Variants in SLC45A4 observed in about 807,000 individuals in gnomAD.
SLC45A4 encodes the protein polyamine-transporter SLC45A4.
In SLC45A4, 32 loss-of-function variants were observed where a neutral mutation model predicts 63.7. The observed-to-expected ratio is 0.50, with a 90% CI of 0.38 to 0.67. The LOEUF (loss-of-function observed/expected upper bound fraction) is 0.67, where lower values mean the gene tolerates loss of function less well. Among genes scored for constraint, SLC45A4 ranks in the 30% least tolerant of loss-of-function variants. SLC45A4 has a pLI of 0.00. For synonymous variants in SLC45A4, 535 were observed against 510.0 expected (o/e 1.05, Z -0.66); for missense variants, 1,027 against 1,157.7 (o/e 0.89, Z 1.64).
At chr8:141,259,143 A>C (rs1305566029) in intron 1 of SLC45A4, among the ~76,000 whole-genome samples, 1 of 152,196 alleles carries the variant, frequency 6.6e-6, no homozygotes, top group African/African-American at 2.4e-5. Flanking sequence ...TTGGCCTTCC[A>C]AAGAGAAGAT....
intron 1 of SLC45A4, among the ~76,000 whole-genome samples, chr8:141,262,140 G>A (rs1489395276): frequency 6.6e-6 from 1 of 151,384 alleles, no homozygotes; most frequent in Non-Finnish European, 1.5e-5. Flanking sequence ...TTAATAAATG[G>A]TGCTGGGAAA....
intron 2 of SLC45A4, chr8:141,228,540 C>T (rs558773695): frequency 5.5e-5 from 71 of 1,279,696 alleles, no homozygotes; most frequent in Middle Eastern, 3.1e-4. Context: ...AGGCACTCCC[C>T]GCAGCTGGAG....
Position 141,217,101 on chromosome 8 carries a change from G to T in SLC45A4, c.1718C>A (p.Ala573Asp), listed in dbSNP as rs1477736657. 6.2e-7 allele frequency: 1 copy of T among 1,613,970 alleles called. No individual in the cohort carries two copies. The highest frequency in any genetic ancestry group is 1.7e-5 in the Admixed American group (1 of 60,030). The change falls in exon 6 of 9, where the codon GCT becomes GAT. Residue 573 changes from alanine to aspartate, a missense_variant. By Grantham distance (126) the Ala-to-Asp change is moderately radical. Coordinates refer to ENST00000517878, the MANE Select transcript of SLC45A4 (RefSeq NM_001286646.2). ...WGLVIYAATG[A>D]ICSALLQKYL... ...TGGGGAGCTCTTACCTGAACAAATA[G>T]CACCAGTGGCGGCATAAATGACCAG...
Position 141,227,895 on chromosome 8 carries a change from G to A in SLC45A4, c.242-6130C>T, listed in dbSNP as rs1827111293. 6.6e-6 allele frequency among the ~76,000 whole-genome samples: 1 copy of A among 152,140 alleles called. No individual in the cohort carries two copies. Among genetic ancestry groups the A allele is most frequent in the Non-Finnish European group, 1.5e-5 (1 of 68,014 alleles). Reference sequence around the variant, plus strand: ...CACTCCAACACCCACGGCCCACCCAGCCCCTCCCGGAGTGCCAGCCATGGC... The same window carrying A: ...CACTCCAACACCCACGGCCCACCCAACCCCTCCCGGAGTGCCAGCCATGGC... On this transcript the variant is annotated intron_variant, in intron 2 of 8. Transcript: ENST00000517878. The surrounding 1 kb of genome is among the most constrained non-coding windows in gnomAD (Gnocchi z 4.4).
At chr8:141,231,297 G>A (rs554538637) in intron 2 of SLC45A4, among the ~76,000 whole-genome samples, 124 of 152,310 alleles carry the variant, frequency 8.1e-4, no homozygotes, top group African/African-American at 3.0e-3. Context: ...AGGCAGCAGG[G>A]ACCCCTCAAA....
chr8:141,246,763 G>C (rs925097402), intron 2 of SLC45A4, among the ~76,000 whole-genome samples: 1 of 151,470 alleles, frequency 6.6e-6, no homozygotes, highest in Non-Finnish European at 1.5e-5. Context: ...TCTAATAAAT[G>C]ATTTTATTAG....
rs1303776451 is a variant in SLC45A4, at chr8:141,215,983, G to A, written c.1730-13C>T. 1 of 1,610,382 alleles carries A rather than the reference G, an allele frequency of 6.2e-7. No individual in the cohort carries two copies. The highest frequency in any genetic ancestry group is 1.7e-5 in the Admixed American group (1 of 59,696). ...TTCTGTAACAGGGCTGCAGAGAGGG[G>A]CACAGGGACAAGGACAGTGGGCAGG... is the stretch of plus-strand genomic sequence containing the variant. On this transcript the variant is annotated splice_polypyrimidine_tract_variant and intron_variant, in intron 6 of 8. Transcript: ENST00000517878. This position sits in a 1 kb window ranked among gnomAD's most constrained non-coding sequence, Gnocchi z 4.3.
At chr8:141,230,599 G>A (rs1827291559) in intron 2 of SLC45A4, among the ~76,000 whole-genome samples, 1 of 152,270 alleles carries the variant, frequency 6.6e-6, no homozygotes, top group African/African-American at 2.4e-5. Flanking sequence ...GCCAGGAGCA[G>A]CGCCCAGGCC....
chr8:141,231,790 C>A (rs764725416), intron 2 of SLC45A4, among the ~76,000 whole-genome samples: 3 of 152,234 alleles, frequency 2.0e-5, no homozygotes, highest in Non-Finnish European at 2.9e-5. Context: ...ATGGATCCCA[C>A]TAGGAAGTTA....
chr8:141,220,783 C>A (rs1826570182), intron 3 of SLC45A4, among the ~76,000 whole-genome samples: 2 of 152,230 alleles, frequency 1.3e-5, no homozygotes, highest in Admixed American at 6.5e-5. Context: ...TTGGGCAGGA[C>A]CACCCCCAAG....
In SLC45A4 at chr8:141,208,954, C is replaced by T. The variant is rs1406352783; in HGVS notation, c.*2618G>A. 4.6e-5 allele frequency: 7 copies of T among 152,672 alleles called. No homozygotes were observed. Among genetic ancestry groups the T allele is most frequent in the African/African-American group, 1.4e-4 (6 of 41,580 alleles). 9.5% of individuals were successfully genotyped at this position (152,672 alleles called of 1,614,324 possible). ...GCACATTACACAAGACTCGACCAACCGACACACCCTGCCTGACACTCCACT... is the reference window on the plus strand; with the variant it reads ...GCACATTACACAAGACTCGACCAACTGACACACCCTGCCTGACACTCCACT... On this transcript the variant is annotated 3_prime_UTR_variant, in exon 9 of 9. Transcript: ENST00000517878.
intron 1 of SLC45A4, among the ~76,000 whole-genome samples, chr8:141,305,775 C>G (rs1422499421): frequency 6.6e-6 from 1 of 151,922 alleles, no homozygotes; most frequent in Non-Finnish European, 1.5e-5. Flanking sequence ...CGAACCCCTG[C>G]GCTGCACTCC....
At chr8:141,246,678 G>A (rs1489832226) in intron 2 of SLC45A4, among the ~76,000 whole-genome samples, 3 of 46,198 alleles carry the variant, frequency 6.5e-5, no homozygotes, top group Non-Finnish European at 1.5e-4. Flanking sequence ...GGTATCTCAG[G>A]GGTCTCTTAG....
chr8:141,213,761 A>T (rs1825975018), intron 7 of SLC45A4, among the ~76,000 whole-genome samples: 1 of 152,244 alleles, frequency 6.6e-6, no homozygotes, highest in Non-Finnish European at 1.5e-5. Flanking sequence ...AACACAAATA[A>T]AATCAATAAA....
At position 141,227,614 on chromosome 8, in the gene SLC45A4, C is replaced by T. The variant is rs1827092812; in HGVS notation, c.242-5849G>A. ...AAGACACTGGGCCGGGGGAGCCGGG[C>T]CCCCAGGGCTCGGGCCACCTGCTTG... On this transcript the variant is annotated intron_variant, in intron 2 of 8. Coordinates refer to ENST00000517878, the MANE Select transcript of SLC45A4 (RefSeq NM_001286646.2). This position sits in a 1 kb window ranked among gnomAD's most constrained non-coding sequence, Gnocchi z 4.4. Among the ~76,000 whole-genome samples the T allele has an allele frequency of 1.3e-5, 2 of 152,072 alleles. No homozygotes were observed. Among genetic ancestry groups the T allele is most frequent in the Admixed American group, 6.5e-5 (1 of 15,280 alleles).
chr8:141,258,872 C>T (rs1281177209), intron 1 of SLC45A4, among the ~76,000 whole-genome samples: 1 of 148,046 alleles, frequency 6.8e-6, no homozygotes, highest in Admixed American at 6.8e-5. Flanking sequence ...GTCTGCGAGA[C>T]ACAGTGAGAC....
chr8:141,241,444 C>T (rs577525257), intron 2 of SLC45A4, among the ~76,000 whole-genome samples: 9 of 152,310 alleles, frequency 5.9e-5, no homozygotes, highest in African/African-American at 1.7e-4. Flanking sequence ...CAGGAGTGGA[C>T]GGAAACCTCG....
intron 1 of SLC45A4, among the ~76,000 whole-genome samples, chr8:141,285,760 G>A (rs185665227): frequency 2.6e-5 from 4 of 152,300 alleles, no homozygotes; most frequent in Admixed American, 1.3e-4. Flanking sequence ...CAAACGCCCC[G>A]TGCCCCCTTC....
At chr8:141,308,043 T>G (rs1323348617) in intron 1 of SLC45A4, 53 bp downstream of exon 1, 3 of 146,872 alleles carry the variant, frequency 2.0e-5, no homozygotes, top group Non-Finnish European at 4.5e-5. Flanking sequence ...GGCGCCCAGG[T>G]GCGAGGTGCA....
Sources: gnomAD v4.1 joint callset for allele counts (sites outside exome capture counted in the v4.1 genomes callset) on GRCh38, gnomAD v4.1.1 for gene constraint, Gnocchi (gnomAD v3.1) non-coding constraint, MANE v1.5 for transcripts, NCBI Gene and HGNC (gene_info 2026-07-23, HGNC 2026-07-21) for gene names.